MTMR12: variants seen among roughly 807,000 people sequenced by gnomAD.
MTMR12 encodes myotubularin-related protein 12.
MTMR12 carries 33 observed loss-of-function variants against 96.7 expected under a neutral mutation model. The observed-to-expected ratio is 0.34, with a 90% CI of 0.26 to 0.46. MTMR12 has a LOEUF of 0.46. MTMR12 is among the 20% of genes least tolerant of loss of function. The pLI is 1.00. For missense variants in MTMR12, 721 were observed against 896.1 expected (o/e 0.80, Z 2.49); for synonymous variants, 298 against 327.2 (o/e 0.91, Z 0.96).
rs1230139943 is a variant in MTMR12, at chr5:32,233,950, C to T, written c.1513-16G>A. On this transcript the variant is annotated splice_polypyrimidine_tract_variant and intron_variant, in intron 14 of 15. Coordinates refer to ENST00000382142, the MANE Select transcript of MTMR12 (RefSeq NM_001040446.3). The surrounding 1 kb of genome is among the most constrained non-coding windows in gnomAD (Gnocchi z 5.0). ...CTTCTCTACCCTGCCAAAACAAGCA[C>T]AGGTCATGCTGTTTTCCAGGGAGGG... The T allele has an allele frequency of 3.1e-6, 5 of 1,614,046 alleles. No homozygotes were observed. Among genetic ancestry groups the T allele is most frequent in the Non-Finnish European group, 4.2e-6 (5 of 1,179,954 alleles).
chr5:32,255,400 T>G (rs1204746414), intron 8 of MTMR12, among the ~76,000 whole-genome samples: 1 of 152,164 alleles, frequency 6.6e-6, no homozygotes, highest in Non-Finnish European at 1.5e-5. Context: ...TTGGCTCAGG[T>G]TCAAAATGAC....
chr5:32,284,495 A>G (rs553609318), intron 1 of MTMR12, among the ~76,000 whole-genome samples: 1 of 152,308 alleles, frequency 6.6e-6, no homozygotes, highest in East Asian at 1.9e-4. Context: ...AGCAGTAGAT[A>G]GGCCCAGCAC....
chr5:32,289,179 C>T (rs369798421), intron 1 of MTMR12, among the ~76,000 whole-genome samples: 27 of 152,280 alleles, frequency 1.8e-4, no homozygotes, highest in African/African-American at 5.3e-4. Context: ...GTCTGACTCA[C>T]GTAGAGCTCT....
chr5:32,275,816 GAA>G (rs1750029129), intron 2 of MTMR12, among the ~76,000 whole-genome samples: 1 of 151,844 alleles, frequency 6.6e-6, no homozygotes. Flanking sequence ...CATCACTATA[GAA>G]AAAAAGCCTT....
At chr5:32,271,529 C>A (rs1380710238) in intron 4 of MTMR12, among the ~76,000 whole-genome samples, 3 of 152,064 alleles carry the variant, frequency 2.0e-5, no homozygotes, top group Non-Finnish European at 2.9e-5. Flanking sequence ...ATCAGAGCAG[C>A]CTATAAAGTA....
intron 1 of MTMR12, chr5:32,309,859 A>T (rs7715899): frequency 0.28 from 42,859 of 151,962 alleles, 6,238 homozygotes; most frequent in East Asian, 0.42. Flanking sequence ...AAGCAATAAC[A>T]AATGCTAGTA....
intron 1 of MTMR12, among the ~76,000 whole-genome samples, chr5:32,308,980 G>A (rs1751471694): frequency 6.6e-6 from 1 of 152,192 alleles, no homozygotes; most frequent in Non-Finnish European, 1.5e-5. Context: ...TTTAGAGTCA[G>A]ACTACAACAA....
At chr5:32,287,348 G>T (rs1750575205) in intron 1 of MTMR12, among the ~76,000 whole-genome samples, 2 of 152,126 alleles carry the variant, frequency 1.3e-5, no homozygotes, top group Non-Finnish European at 2.9e-5. Flanking sequence ...AACATGAAAA[G>T]GTGAGACTGG....
At chr5:32,300,329 G>A (rs1021388400) in intron 1 of MTMR12, among the ~76,000 whole-genome samples, 4 of 152,092 alleles carry the variant, frequency 2.6e-5, no homozygotes, top group East Asian at 1.9e-4. Flanking sequence ...ACCTATTCAC[G>A]TTACAGGTAA....
intron 7 of MTMR12, among the ~76,000 whole-genome samples, chr5:32,261,638 C>A (rs1199899623): frequency 3.9e-5 from 6 of 152,196 alleles, no homozygotes; most frequent in Non-Finnish European, 5.9e-5. Context: ...ATCTTCCTCC[C>A]TCCAGAATGA....
chr5:32,259,506 A>G (rs1187145771), intron 7 of MTMR12, among the ~76,000 whole-genome samples: 1 of 152,186 alleles, frequency 6.6e-6, no homozygotes, highest in Non-Finnish European at 1.5e-5. Context: ...TCTGTCTCCT[A>G]TTTATTGAGC....
chr5:32,234,831 G>C, intron 14 of MTMR12, 131 bp downstream of exon 14: 1 of 817,798 alleles, frequency 1.2e-6, no homozygotes, highest in Non-Finnish European at 1.9e-6. Flanking sequence ...AATCTTCTCT[G>C]TATTATTCCA....
At position 32,245,163 on chromosome 5, in the gene MTMR12, G is replaced by A. The variant is rs572906314; in HGVS notation, c.1022-1564C>T. ...CGATTCTTCTGTCTCAGCCTCCGGA[G>A]TAGCTGGCATTACAGGTGCCCACCA... On this transcript the variant is annotated intron_variant, in intron 10 of 15. Transcript: ENST00000382142. Among the ~76,000 whole-genome samples, 10 of 152,300 alleles carry A rather than the reference G, an allele frequency of 6.6e-5. No individual in the cohort carries two copies. In the East Asian group the frequency reaches 7.7e-4, roughly 12 times the overall value.
Position 32,248,873 on chromosome 5 carries a change from C to T in MTMR12, c.795G>A (p.Trp265Ter). 6.2e-7 allele frequency: 1 copy of T among 1,612,498 alleles called. No homozygotes were observed. Among genetic ancestry groups the T allele is most frequent in the Non-Finnish European group, 8.5e-7 (1 of 1,178,528 alleles). The change falls in exon 9 of 16, where the codon TGG (tryptophan) becomes TGA (stop). Residue 265 changes from tryptophan to a stop codon, truncating the protein, a stop_gained. Coordinates refer to ENST00000382142, the MANE Select transcript of MTMR12 (RefSeq NM_001040446.3). LOFTEE classifies it high-confidence loss of function. ...CACTTCCATTGTGGCAGGACCAACA[C>T]CATATCTGTAGAAACAAATAAAGCT... ...QRFQGHGIPIWCWSCHNGSAL... is the reference protein window; with the variant it reads ...QRFQGHGIPI
intron 12 of MTMR12, among the ~76,000 whole-genome samples, 165 bp downstream of exon 12, chr5:32,241,892 A>T (rs891715485): frequency 6.6e-6 from 1 of 152,234 alleles, no homozygotes; most frequent in Non-Finnish European, 1.5e-5. Flanking sequence ...AAACTCTAAC[A>T]CTGAAATCCA....
chr5:32,308,787 T>C (rs547201051), intron 1 of MTMR12, among the ~76,000 whole-genome samples: 52 of 152,174 alleles, frequency 3.4e-4, no homozygotes, highest in Middle Eastern at 3.4e-3. Context: ...GTATTTTTAG[T>C]AGAGACGGGG....
Position 32,228,992 on chromosome 5 carries a change from C to T in MTMR12, c.*786G>A, listed in dbSNP as rs1747882981. 1 of 152,146 alleles carries T rather than the reference C, an allele frequency of 6.6e-6. No homozygotes were observed. The highest frequency in any genetic ancestry group is 1.5e-5 in the Non-Finnish European group (1 of 68,074). 9.4% of individuals were successfully genotyped at this position (152,146 alleles called of 1,614,324 possible). A position where few individuals can be genotyped will look rare whatever the true frequency, so the allele number is the denominator to read the frequency against. The stretch of plus-strand genomic sequence containing the variant: ...AAGGATCTCAGGCAAAGAAACAGAT[C>T]CCCGCAGCGTAACCAAGAGGTTTGG... On this transcript the variant is annotated 3_prime_UTR_variant, in exon 16 of 16. Transcript: ENST00000382142.
intron 13 of MTMR12, among the ~76,000 whole-genome samples, chr5:32,236,002 C>T (rs1342448108): frequency 1.3e-5 from 2 of 152,186 alleles, no homozygotes; most frequent in Non-Finnish European, 1.5e-5. Context: ...TTCAAAACTC[C>T]AATATGTCCA....
At chr5:32,259,743 G>A (rs1749283990) in intron 7 of MTMR12, among the ~76,000 whole-genome samples, 1 of 152,152 alleles carries the variant, frequency 6.6e-6, no homozygotes, top group South Asian at 2.1e-4. Context: ...TGCAACTTAA[G>A]TGGTACCTGG....
Sources: gnomAD v4.1 joint callset for allele counts (sites outside exome capture counted in the v4.1 genomes callset) on GRCh38, gnomAD v4.1.1 for gene constraint, Gnocchi (gnomAD v3.1) non-coding constraint, MANE v1.5 for transcripts, NCBI Gene and HGNC (gene_info 2026-07-23, HGNC 2026-07-21) for gene names.